The following CALD1 variants were observed in gnomAD, a reference collection of about 807,000 sequenced individuals.
The protein encoded by CALD1 is caldesmon 1, also known as caldesmon.
In CALD1, 33 loss-of-function variants were observed where a neutral mutation model predicts 99.9. The ratio of observed to expected loss-of-function variants is 0.33; its 90% confidence interval spans 0.25 to 0.44. The LOEUF is 0.44. CALD1 is among the 20% of genes least tolerant of loss of function. The pLI is 1.00. For synonymous variants in CALD1, 310 were observed against 325.0 expected (o/e 0.95, Z 0.50); for missense variants, 861 against 962.1 (o/e 0.89, Z 1.39).
chr7:134,879,308 C>G (rs1801490618), intron 3 of CALD1, among the ~76,000 whole-genome samples: 1 of 152,224 alleles, frequency 6.6e-6, no homozygotes, highest in African/African-American at 2.4e-5. Context: ...AAAGAGGAAT[C>G]ATGTGCATAT....
the CALD1 span, among the ~76,000 whole-genome samples, chr7:134,720,294 C>T: frequency 3.3e-5 from 5 of 151,290 alleles, no homozygotes; most frequent in Non-Finnish European, 5.9e-5. Context: ...TGTTCTGATG[C>T]ATCCTTCTAT....
At chr7:134,864,843 T>C (rs1800732617) in intron 2 of CALD1, among the ~76,000 whole-genome samples, 1 of 152,198 alleles carries the variant, frequency 6.6e-6, no homozygotes, top group African/African-American at 2.4e-5. Context: ...AAGGTTTTTG[T>C]TTTTCCCCTC....
At chr7:134,741,851 C>T (rs1471883292), upstream of CALD1, among the ~76,000 whole-genome samples, 1 of 152,082 alleles carries the variant, frequency 6.6e-6, no homozygotes, top group Non-Finnish European at 1.5e-5. Flanking sequence ...GTTTATTCAC[C>T]CATCAGGGTA....
At chr7:134,843,600 G>A (rs1799736451) in intron 1 of CALD1, among the ~76,000 whole-genome samples, 1 of 152,188 alleles carries the variant, frequency 6.6e-6, no homozygotes, top group African/African-American at 2.4e-5. Context: ...GGGATTGGGA[G>A]CAGTGAAAAA....
intron 1 of CALD1, among the ~76,000 whole-genome samples, chr7:134,753,383 C>A (rs1223145003): frequency 6.6e-6 from 1 of 152,190 alleles, no homozygotes; most frequent in Non-Finnish European, 1.5e-5. Context: ...GGATTCTCTA[C>A]GCTTTGTATG....
intron 1 of CALD1, among the ~76,000 whole-genome samples, chr7:134,811,294 T>C (rs896011441): frequency 6.6e-6 from 1 of 152,206 alleles, no homozygotes; most frequent in Non-Finnish European, 1.5e-5. Flanking sequence ...TCTAATATTA[T>C]CCTGCCTCAC....
intron 3 of CALD1, among the ~76,000 whole-genome samples, chr7:134,912,326 A>G (rs1803874370): frequency 6.6e-6 from 1 of 152,182 alleles, no homozygotes; most frequent in Non-Finnish European, 1.5e-5. Context: ...TGACTGGGTA[A>G]ATGGATTTAC....
chr7:134,799,089 T>C (rs111571759), intron 1 of CALD1, among the ~76,000 whole-genome samples: 3,045 of 152,350 alleles, frequency 0.02, 39 homozygotes, highest in Non-Finnish European at 0.031. Flanking sequence ...AGTTATTTGA[T>C]TGATCACAGT....
chr7:134,901,060 G>A (rs1802958269), intron 3 of CALD1, among the ~76,000 whole-genome samples: 1 of 152,090 alleles, frequency 6.6e-6, no homozygotes, highest in Non-Finnish European at 1.5e-5. Flanking sequence ...GATGTTAAAG[G>A]AAACTTGCTG....
Position 134,839,415 on chromosome 7 carries a change from G to A in CALD1, c.-129-4469G>A, listed in dbSNP as rs1480856879. Among the ~76,000 whole-genome samples, 4 of 152,102 alleles carry A rather than the reference G, an allele frequency of 2.6e-5. No individual in the cohort carries two copies. In the East Asian group the frequency reaches 5.8e-4, roughly 22 times the overall value. On this transcript the variant is annotated intron_variant, in intron 1 of 14. Coordinates refer to ENST00000361675, the MANE Select transcript of CALD1 (RefSeq NM_033138.4). ...GTGAATATATGCATGGACTTTTGTT[G>A]TATATATGCCTGTAAGTAAGATTTC...
At chr7:134,865,540 G>A (rs551303773) in intron 2 of CALD1, among the ~76,000 whole-genome samples, 2 of 152,326 alleles carry the variant, frequency 1.3e-5, no homozygotes, top group Admixed American at 1.3e-4. Context: ...TCAAATGGCA[G>A]GTAGTTTTTC....
At chr7:134,725,357 G>A in the CALD1 span, among the ~76,000 whole-genome samples, 5 of 152,122 alleles carry the variant, frequency 3.3e-5, no homozygotes, top group Non-Finnish European at 7.4e-5. Flanking sequence ...CATTCCATGT[G>A]GGATCCAAAC....
intron 1 of CALD1, among the ~76,000 whole-genome samples, chr7:134,829,131 C>A (rs1799121596): frequency 6.6e-6 from 1 of 152,272 alleles, no homozygotes; most frequent in East Asian, 1.9e-4. Flanking sequence ...TTAGTAAACA[C>A]AATAAATACA....
intron 1 of CALD1, among the ~76,000 whole-genome samples, chr7:134,757,142 T>C (rs1014811946): frequency 1.3e-5 from 2 of 152,104 alleles, no homozygotes; most frequent in African/African-American, 4.8e-5. Flanking sequence ...GTTGTTTAGT[T>C]ATTGGCTATC....
chr7:134,724,596 G>A, the CALD1 span, among the ~76,000 whole-genome samples: 1 of 152,200 alleles, frequency 6.6e-6, no homozygotes, highest in Non-Finnish European at 1.5e-5. Flanking sequence ...CATGAAAATA[G>A]TTTAGCTAAA....
intron 1 of CALD1, among the ~76,000 whole-genome samples, chr7:134,758,670 T>C (rs1796751478): frequency 6.6e-6 from 1 of 152,222 alleles, no homozygotes; most frequent in Non-Finnish European, 1.5e-5. Context: ...AAAGTCTGTT[T>C]TACTTTGTGA....
At chr7:134,848,222 A>G (rs1799933073) in intron 2 of CALD1, among the ~76,000 whole-genome samples, 1 of 152,150 alleles carries the variant, frequency 6.6e-6, no homozygotes, top group Non-Finnish European at 1.5e-5. Context: ...GCAGAGCTGC[A>G]TTCCCTGAAA....
At chr7:134,778,374 A>G (rs1270666628), upstream of CALD1, among the ~76,000 whole-genome samples, 2 of 152,244 alleles carry the variant, frequency 1.3e-5, no homozygotes, top group Non-Finnish European at 2.9e-5. Flanking sequence ...AAAGGCATAT[A>G]GTAAAACCTC....
chr7:134,714,930 C>T, the CALD1 span, among the ~76,000 whole-genome samples: 1 of 152,170 alleles, frequency 6.6e-6, no homozygotes, highest in Non-Finnish European at 1.5e-5. Flanking sequence ...AGTTTCCTAT[C>T]TGGTCTGGAA....
Sources: gnomAD v4.1 joint callset for allele counts (sites outside exome capture counted in the v4.1 genomes callset) on GRCh38, gnomAD v4.1.1 for gene constraint, MANE v1.5 for transcripts, NCBI Gene and HGNC (gene_info 2026-07-23, HGNC 2026-07-21) for gene names.